The following HMGN5 variants were observed in gnomAD, a reference collection of about 807,000 sequenced individuals.
The protein encoded by HMGN5 is high mobility group nucleosome binding domain 5, also known as high mobility group nucleosome-binding domain-containing protein 5.
Under a neutral mutation model 9.5 loss-of-function variants are expected in HMGN5, and 4 were observed. That is an observed-to-expected ratio of 0.42 (90% confidence interval 0.21 to 0.96). HMGN5 has a LOEUF of 0.96. HMGN5 is among the 40% of genes least tolerant of loss of function. The pLI, the probability that HMGN5 is intolerant of heterozygous loss-of-function variation, is 0.30. For synonymous variants in HMGN5, 55 were observed against 57.1 expected, an observed-to-expected ratio of 0.96 and a Z score of 0.16; for missense variants, 192 against 187.5, an observed-to-expected ratio of 1.02 and a Z score of -0.14.
intron 1 of HMGN5, among the ~76,000 whole-genome samples, chrX:81,150,832 A>G (rs2075359622): frequency 9.0e-6 from 1 of 111,646 alleles, no homozygotes; most frequent in African/African-American, 3.3e-5. Flanking sequence ...ATTAGTAGCT[A>G]CTATGAGCAA....
chrX:81,191,866 T>C (rs1457155617), intron 1 of HMGN5, among the ~76,000 whole-genome samples: 1 of 111,982 alleles, frequency 8.9e-6, no homozygotes, highest in East Asian at 2.8e-4. Flanking sequence ...GTCCTTTTTC[T>C]AAGGCACAAG....
chrX:81,142,313 C>G (rs2075331993), intron 1 of HMGN5, among the ~76,000 whole-genome samples: 1 of 111,425 alleles, frequency 9.0e-6, no homozygotes, highest in South Asian at 3.8e-4. Flanking sequence ...GGGATAATAT[C>G]ATAGAACTTC....
At chrX:81,162,470 T>A (rs907710070) in intron 1 of HMGN5, among the ~76,000 whole-genome samples, 2 of 108,411 alleles carry the variant, frequency 1.8e-5, no homozygotes, top group East Asian at 5.8e-4. Context: ...TGAGAAGTAA[T>A]AGAGAGTAGA....
intron 1 of HMGN5, among the ~76,000 whole-genome samples, chrX:81,157,617 A>G: frequency 9.0e-6 from 1 of 111,299 alleles, no homozygotes; most frequent in African/African-American, 3.3e-5. Flanking sequence ...CCAGAGTGCT[A>G]ATACTAATCC....
At chrX:81,119,990 T>A (rs2075264520) in intron 2 of HMGN5, among the ~76,000 whole-genome samples, 173 bp from the exon 3 acceptor site, 1 of 112,695 alleles carries the variant, frequency 8.9e-6, no homozygotes. Flanking sequence ...ACTGCTGTTT[T>A]ACTAATGTGC....
chrX:81,181,095 T>C (rs1375319163), intron 1 of HMGN5, among the ~76,000 whole-genome samples: 1 of 110,565 alleles, frequency 9.0e-6, no homozygotes, highest in Non-Finnish European at 1.9e-5. Flanking sequence ...ATATCTAATG[T>C]AAACAACGAG....
chrX:81,157,376 A>C (rs1018163941), intron 1 of HMGN5, among the ~76,000 whole-genome samples: 1 of 112,042 alleles, frequency 8.9e-6, no homozygotes, highest in Non-Finnish European at 1.9e-5. Flanking sequence ...TAAGAGGTGG[A>C]TGCATTTGAC....
intron 1 of HMGN5, among the ~76,000 whole-genome samples, chrX:81,143,619 G>A (rs572283719): frequency 1.2e-4 from 13 of 112,190 alleles, no homozygotes; most frequent in Middle Eastern, 4.7e-3. Context: ...GACTGTACCC[G>A]GAACAACAGT....
intron 5 of HMGN5, among the ~76,000 whole-genome samples, chrX:81,117,112 A>C (rs1338938537): frequency 3.6e-5 from 4 of 111,635 alleles, no homozygotes; most frequent in Non-Finnish European, 5.6e-5. Flanking sequence ...CACATGAAAA[A>C]AATGCTTTAG....
chrX:81,125,762 T>C (rs1411810637), intron 1 of HMGN5, among the ~76,000 whole-genome samples: 1 of 111,955 alleles, frequency 8.9e-6, no homozygotes, highest in African/African-American at 3.2e-5. Flanking sequence ...CAGATACTAA[T>C]AGAGATTTTC....
chrX:81,190,791 T>C (rs1412829224), intron 1 of HMGN5, among the ~76,000 whole-genome samples: 2 of 111,519 alleles, frequency 1.8e-5, no homozygotes, highest in Non-Finnish European at 3.8e-5. Context: ...TTTTTTTACA[T>C]GCAGGTATCC....
At chrX:81,189,786 A>G (rs1318199572) in intron 1 of HMGN5, among the ~76,000 whole-genome samples, 2 of 111,964 alleles carry the variant, frequency 1.8e-5, no homozygotes, top group Admixed American at 1.9e-4. Flanking sequence ...AGTATGCTTC[A>G]TTTTGTAAGA....
intron 1 of HMGN5, among the ~76,000 whole-genome samples, chrX:81,178,884 A>G (rs2075451412): frequency 8.9e-6 from 1 of 111,782 alleles, no homozygotes; most frequent in African/African-American, 3.3e-5. Context: ...CTGGGATGCA[A>G]GGCTGGTTCA....
intron 1 of HMGN5, among the ~76,000 whole-genome samples, chrX:81,140,421 A>G (rs1275022229): frequency 3.6e-5 from 4 of 109,879 alleles, no homozygotes; most frequent in Non-Finnish European, 7.6e-5. Context: ...TTAGCCAGGC[A>G]TGGTGGCGGG....
At chrX:81,185,512 TG>T (rs1379897216) in intron 1 of HMGN5, among the ~76,000 whole-genome samples, 2 of 111,998 alleles carry the variant, frequency 1.8e-5, no homozygotes, top group Non-Finnish European at 3.8e-5. Context: ...AATAGCTCTT[TG>T]GAGGAGATTT....
intron 1 of HMGN5, among the ~76,000 whole-genome samples, chrX:81,174,135 A>C (rs994934862): frequency 3.6e-5 from 4 of 111,570 alleles, no homozygotes; most frequent in Non-Finnish European, 7.6e-5. Flanking sequence ...ATAAATCTTA[A>C]AAAAATGTTT....
intron 1 of HMGN5, among the ~76,000 whole-genome samples, chrX:81,125,756 T>C (rs755326250): frequency 8.9e-6 from 1 of 112,035 alleles, no homozygotes; most frequent in East Asian, 2.8e-4. Flanking sequence ...GTTTAGCAGA[T>C]ACTAATAGAG....
intron 1 of HMGN5, among the ~76,000 whole-genome samples, chrX:81,140,856 C>T (rs940141026): frequency 2.7e-5 from 3 of 111,479 alleles, no homozygotes; most frequent in Admixed American, 1.9e-4. Flanking sequence ...CAAGCAGTCC[C>T]CTGGGATCCC....
At chrX:81,161,343 C>T (rs2075397327) in intron 1 of HMGN5, among the ~76,000 whole-genome samples, 1 of 111,108 alleles carries the variant, frequency 9.0e-6, no homozygotes, top group Non-Finnish European at 1.9e-5. Flanking sequence ...ATGAATAAGC[C>T]TTCAAATGCT....
Sources: allele counts gnomAD v4.1 joint callset (sites outside exome capture counted in the v4.1 genomes callset), GRCh38; gene constraint gnomAD v4.1.1; transcripts MANE v1.5; gene names NCBI Gene and HGNC (gene_info 2026-07-23, HGNC 2026-07-21).